Variants in CEP41 observed in about 807,000 individuals in gnomAD.
The protein encoded by CEP41 is centrosomal protein 41.
Under a neutral mutation model 44.3 loss-of-function variants are expected in CEP41, and 32 were observed. The ratio of observed to expected loss-of-function variants is 0.72; its 90% CI spans 0.54 to 0.97. The LOEUF (loss-of-function observed/expected upper bound fraction) is 0.97. Ranked by LOEUF, CEP41 falls within the 50% of genes least tolerant of loss-of-function variation. The pLI is 0.00. For synonymous variants in CEP41, 151 were observed against 168.5 expected (o/e 0.90, Z 0.80); for missense variants, 432 against 455.2 (o/e 0.95, Z 0.46).
intron 5 of CEP41, among the ~76,000 whole-genome samples, chr7:130,407,726 A>T (rs1329192057): frequency 1.3e-5 from 2 of 152,200 alleles, no homozygotes; most frequent in Admixed American, 1.3e-4. Context: ...ACAAGCCAAT[A>T]GATTATTACA....
In CEP41 at chr7:130,397,505, CATTTTTTT is replaced by C; in HGVS notation, c.*1378_*1385del. Reference sequence around the variant, plus strand: ...CCCCCATGCTAGAAATACTGTGGTGCATTTTTTTTTTTTTTTTTTTTTTTTTTTGGTGG... The same window carrying C: ...CCCCCATGCTAGAAATACTGTGGTGCTTTTTTTTTTTTTTTTTTTTGGTGG... On this transcript the variant is annotated 3_prime_UTR_variant, in exon 11 of 11. Transcript: ENST00000223208. The C allele has an allele frequency of 2.7e-6, 1 of 371,206 alleles. No homozygotes were observed. The highest frequency in any genetic ancestry group is 5.0e-6 in the Non-Finnish European group (1 of 199,068). The allele number at this position is 371,206 out of a possible 1,614,324, so 23.0% of individuals were successfully genotyped here.
chr7:130,414,529 T>C (rs1283893459), intron 3 of CEP41, among the ~76,000 whole-genome samples: 2 of 152,254 alleles, frequency 1.3e-5, no homozygotes, highest in Non-Finnish European at 2.9e-5. Context: ...CTTCTAAGCA[T>C]AAAATGTATA....
intron 5 of CEP41, among the ~76,000 whole-genome samples, chr7:130,406,073 T>A (rs1237477526): frequency 6.6e-6 from 1 of 151,932 alleles, no homozygotes; most frequent in Non-Finnish European, 1.5e-5. Flanking sequence ...GTTATGTATG[T>A]TTGTAATGGG....
At chr7:130,420,001 T>G in intron 2 of CEP41, 1 of 985,322 alleles carries the variant, frequency 1.0e-6, no homozygotes, top group African/African-American at 1.7e-5. Context: ...CCTTCCATTG[T>G]CTAGCATAGG....
At chr7:130,441,031 AC>A (rs782299218), upstream of CEP41, 6 of 1,552,902 alleles carry the variant, frequency 3.9e-6, no homozygotes, top group Admixed American at 1.7e-5. Flanking sequence ...CTAGCTTCCT[AC>A]CCCCACAACC....
chr7:130,420,055 A>G, intron 2 of CEP41: 1 of 985,304 alleles, frequency 1.0e-6, no homozygotes. Context: ...GGTGCACTGG[A>G]TCATGCCTGC....
At chr7:130,421,141 C>A (rs1797496378) in intron 2 of CEP41, 2 of 985,292 alleles carry the variant, frequency 2.0e-6, no homozygotes, top group South Asian at 9.4e-5. Flanking sequence ...CAGTGCTGTG[C>A]AAACACAGAG....
Position 130,402,817 on chromosome 7 carries a change from G to A in CEP41, c.423-18C>T. The A allele has an allele frequency of 1.2e-6, 2 of 1,614,060 alleles. No individual in the cohort carries two copies. Among genetic ancestry groups the A allele is most frequent in the Non-Finnish European group, 1.7e-6 (2 of 1,179,946 alleles). On this transcript the variant is annotated intron_variant, in intron 6 of 10. Coordinates refer to ENST00000223208, the MANE Select transcript of CEP41 (RefSeq NM_018718.3). The stretch of plus-strand genomic sequence containing the variant: ...TGATGACACTGCAAGTGAAAAAGTA[G>A]GTCAGCAGAAACTAGTCAGAGGTTG...
upstream of CEP41, chr7:130,441,156 T>G (rs1484037408): frequency 1.1e-5 from 8 of 719,764 alleles, no homozygotes; most frequent in African/African-American, 7.0e-5. Context: ...AAGACGCCGC[T>G]CAATGGTTGC....
intron 2 of CEP41, among the ~76,000 whole-genome samples, chr7:130,425,710 T>C (rs1797641157): frequency 6.6e-6 from 1 of 152,252 alleles, no homozygotes; most frequent in African/African-American, 2.4e-5. Flanking sequence ...TAAGTGTTTA[T>C]AGCACTTATA....
chr7:130,403,145 C>A (rs1796906391), intron 6 of CEP41, among the ~76,000 whole-genome samples: 1 of 152,088 alleles, frequency 6.6e-6, no homozygotes, highest in South Asian at 2.1e-4. Context: ...AACTGTGAAT[C>A]CAGTAGAGCG....
At chr7:130,412,545 C>A (rs1015650500) in intron 3 of CEP41, among the ~76,000 whole-genome samples, 5 of 152,168 alleles carry the variant, frequency 3.3e-5, no homozygotes, top group Non-Finnish European at 7.3e-5. Flanking sequence ...GTCTCTACTT[C>A]GACCACATTG....
At position 130,394,487 on chromosome 7, in the gene CEP41, G is replaced by A. The variant is rs1225690283; in HGVS notation, c.*4404C>T. 1.3e-5 allele frequency: 6 copies of A among 453,990 alleles called. No individual in the cohort carries two copies. Among genetic ancestry groups the A allele is most frequent in the Admixed American group, 2.3e-5 (1 of 42,556 alleles). 28.1% of individuals were successfully genotyped at this position (453,990 alleles called of 1,614,324 possible). ...AGAGAAAACCTACTCTTAAGATGGG[G>A]GTGGTGTGTGACCTTTGCGTGCTGA... On this transcript the variant is annotated 3_prime_UTR_variant, in exon 11 of 11. Transcript: ENST00000223208.
chr7:130,409,180 C>T (rs1007841130), intron 5 of CEP41, among the ~76,000 whole-genome samples: 5 of 152,184 alleles, frequency 3.3e-5, no homozygotes, highest in African/African-American at 1.2e-4. Context: ...AGCCAATATG[C>T]ATACAGATAC....
intron 2 of CEP41, among the ~76,000 whole-genome samples, chr7:130,418,721 GTGT>G (rs782457726): frequency 6.6e-6 from 1 of 152,036 alleles, no homozygotes; most frequent in East Asian, 1.9e-4. Context: ...TTTTTTTGTT[GTGT>G]TGTTGTAAAA....
At chr7:130,425,612 A>G (rs2117664081) in intron 2 of CEP41, among the ~76,000 whole-genome samples, 1 of 152,350 alleles carries the variant, frequency 6.6e-6, no homozygotes, top group East Asian at 1.9e-4. Context: ...TAAAAACTAC[A>G]TGGGCAACTA....
intron 1 of CEP41, among the ~76,000 whole-genome samples, chr7:130,433,684 C>A (rs782532888): frequency 6.6e-6 from 1 of 152,204 alleles, no homozygotes; most frequent in South Asian, 2.1e-4. Context: ...AGACTCAGGG[C>A]AAACTTATCT....
In CEP41 at chr7:130,395,021, A is replaced by G. The variant is rs1796618758; in HGVS notation, c.*3870T>C. On this transcript the variant is annotated 3_prime_UTR_variant, in exon 11 of 11. Transcript: ENST00000223208. ...AGAGGGGAGCCATCAGGGGATCACAATGTGACAGACACCGTTTCGAAAACA... is the reference window on the plus strand; with the variant it reads ...AGAGGGGAGCCATCAGGGGATCACAGTGTGACAGACACCGTTTCGAAAACA... 2 of 454,104 alleles carry G rather than the reference A, an allele frequency of 4.4e-6. No individual in the cohort carries two copies. Among genetic ancestry groups the G allele is most frequent in the Non-Finnish European group, 8.8e-6 (2 of 226,780 alleles). 28.1% of individuals were successfully genotyped at this position (454,104 alleles called of 1,614,324 possible).
intron 3 of CEP41, among the ~76,000 whole-genome samples, chr7:130,413,042 A>T (rs1797230703): frequency 6.6e-6 from 1 of 152,110 alleles, no homozygotes; most frequent in Non-Finnish European, 1.5e-5. Context: ...CCCAGGCTGG[A>T]GTGCAGTGGT....
Sources: gnomAD v4.1 joint callset for allele counts (sites outside exome capture counted in the v4.1 genomes callset) on GRCh38, gnomAD v4.1.1 for gene constraint, MANE v1.5 for transcripts, NCBI Gene and HGNC (gene_info 2026-07-23, HGNC 2026-07-21) for gene names.